ANK2: variants seen among roughly 807,000 people sequenced by gnomAD.
ANK2 encodes ankyrin-2.
Under a neutral mutation model 360.5 loss-of-function variants are expected in ANK2, and 83 were observed. That is an observed-to-expected ratio of 0.23 (90% CI 0.19 to 0.28). ANK2 has a LOEUF of 0.28. Among genes scored for constraint, ANK2 ranks in the 10% least tolerant of loss-of-function variants. The pLI, the probability that ANK2 is intolerant of heterozygous loss-of-function variation, is 1.00. For missense variants in ANK2, 4,201 were observed against 4,795.7 expected, an observed-to-expected ratio of 0.88 and a Z score of 3.66; for synonymous variants, 1,740 against 1,759.5, an observed-to-expected ratio of 0.99 and a Z score of 0.28.
intron 1 of ANK2, among the ~76,000 whole-genome samples, chr4:112,856,430 T>C (rs1446866749): frequency 1.3e-5 from 2 of 152,224 alleles, no homozygotes; most frequent in African/African-American, 4.8e-5. Context: ...AAATAATTTT[T>C]TAAAAGTGTA....
rs751989112 is a variant in ANK2 at position 113,357,254 on chromosome 4, C to A, written c.8636C>A (p.Thr2879Asn). ...SSIQKTEVTK[T>N]DETFENLPKD... The stretch of plus-strand genomic sequence containing the variant: ...ATTCAAAAAACAGAGGTCACAAAAA[C>A]TGATGAAACATTTGAGAACTTACCA... Residue 2879 changes from threonine (T) to asparagine (N), a missense_variant, in exon 38 of 46, where the codon ACT (threonine) becomes AAT (asparagine). By Grantham distance (65) the Thr-to-Asn change is moderately conservative (BLOSUM62 0). Transcript: ENST00000357077. The A allele has an allele frequency of 6.2e-7, 1 of 1,614,060 alleles. No individual in the cohort carries two copies. Among genetic ancestry groups the A allele is most frequent in the Non-Finnish European group, 8.5e-7 (1 of 1,179,994 alleles).
rs543959905 is a variant in ANK2, at chr4:113,278,240, C to A, written c.1783-220C>A. On this transcript the variant is annotated intron_variant, in intron 16 of 45. Coordinates refer to ENST00000357077, the MANE Select transcript of ANK2 (RefSeq NM_001148.6). ...CAGTTTAGACCTTTTTACATTGTGA[C>A]CCTCAAGATCCCCTTTGCTGGTGGT... Among the ~76,000 whole-genome samples, 3 of 152,124 alleles carry A rather than the reference C, an allele frequency of 2.0e-5. No individual in the cohort carries two copies. In the South Asian group the frequency reaches 6.2e-4, roughly 32 times the overall value.
chr4:113,234,214 A>G, intron 5 of ANK2, among the ~76,000 whole-genome samples: 1 of 152,068 alleles, frequency 6.6e-6, no homozygotes, highest in Non-Finnish European at 1.5e-5. Context: ...AGCATTTCCC[A>G]TTTGGTTCCA....
intron 2 of ANK2, among the ~76,000 whole-genome samples, chr4:112,951,271 G>T (rs979557112): frequency 1.3e-5 from 2 of 152,008 alleles, no homozygotes; most frequent in Non-Finnish European, 2.9e-5. Flanking sequence ...TTGATATTTT[G>T]TAAAACATTC....
intron 4 of ANK2, among the ~76,000 whole-genome samples, chr4:113,212,242 A>G (rs1029979459): frequency 4.6e-5 from 7 of 152,156 alleles, no homozygotes; most frequent in Admixed American, 2.0e-4. Flanking sequence ...ATTTTTTTCA[A>G]AGTTTTCATA....
At chr4:112,868,038 A>G (rs2071376384) in intron 1 of ANK2, among the ~76,000 whole-genome samples, 1 of 152,152 alleles carries the variant, frequency 6.6e-6, no homozygotes, top group Admixed American at 6.5e-5. Flanking sequence ...TGAGGGCTCT[A>G]ATTTCTCCAT....
intron 45 of ANK2, 96 bp from the exon 46 acceptor site, chr4:113,381,361 G>A (rs1219328920): frequency 1.5e-6 from 2 of 1,315,464 alleles, no homozygotes; most frequent in South Asian, 1.2e-5. Flanking sequence ...CTAAAGGTAA[G>A]ACATTAGGTA....
chr4:113,219,283 A>C (rs192032541), intron 4 of ANK2, among the ~76,000 whole-genome samples: 3 of 152,218 alleles, frequency 2.0e-5, no homozygotes, highest in Non-Finnish European at 4.4e-5. Flanking sequence ...TTAACTTTAC[A>C]CTAAAATTTC....
chr4:113,360,474 T>C (rs2154034243), intron 38 of ANK2, among the ~76,000 whole-genome samples: 1 of 152,180 alleles, frequency 6.6e-6, no homozygotes, highest in East Asian at 1.9e-4. Context: ...GCATCCCATT[T>C]ATGATTTCTC....
chr4:113,154,943 A>G (rs1356404273), intron 1 of ANK2, among the ~76,000 whole-genome samples: 1 of 152,232 alleles, frequency 6.6e-6, no homozygotes, highest in Admixed American at 6.5e-5. Context: ...GGTCTTAACC[A>G]CTTCATCTGG....
Position 112,822,238 on chromosome 4 carries a change from T to TAA in ANK2, c.-40+3997_-40+3998dup, listed in dbSNP as rs1211981767. 3.9e-3 allele frequency among the ~76,000 whole-genome samples: 347 copies of TAA among 88,496 alleles called. 5 individuals are homozygous for TAA. Among genetic ancestry groups the TAA allele is most frequent in the Middle Eastern group, 0.021 (3 of 142 alleles). The allele number at this position is 88,496 out of a possible 152,430, so 58.1% of individuals were successfully genotyped here. A position where few individuals can be genotyped will look rare whatever the true frequency, so the allele number is the denominator to read the frequency against. ...TAACACCGTGAAACCCTGTCTCTAC[T>TAA]AAAAAAAAAAAAAAAAAAAAAAAAC... On this transcript the variant is annotated intron_variant, in intron 1 of 30. Transcript: ENST00000503271.
intron 2 of ANK2, among the ~76,000 whole-genome samples, chr4:112,975,684 T>C (rs532874150): frequency 2.0e-5 from 3 of 152,218 alleles, no homozygotes; most frequent in Non-Finnish European, 4.4e-5. Context: ...ATCTCCTTCT[T>C]GCAGTCCTCC....
In ANK2 at chr4:113,101,911, T is replaced by C. The variant is rs138490904; in HGVS notation, c.84+52099T>C. Among the ~76,000 whole-genome samples, 481 of 152,146 alleles carry C rather than the reference T, an allele frequency of 3.2e-3. 3 individuals carry two copies. The highest frequency in any genetic ancestry group is 0.011 in the African/African-American group (448 of 41,542). On this transcript the variant is annotated intron_variant, in intron 1 of 45. Transcript: ENST00000357077. Reference sequence around the variant, plus strand: ...CAGAGGGAAGTACACATGCAAGCCCTGAAGTGGGAAAGACCTTGATGCACA... The same window carrying C: ...CAGAGGGAAGTACACATGCAAGCCCCGAAGTGGGAAAGACCTTGATGCACA...
intron 7 of ANK2, 133 bp downstream of exon 7, chr4:113,237,755 C>G: frequency 1.2e-6 from 1 of 835,778 alleles, no homozygotes; most frequent in South Asian, 1.5e-5. Flanking sequence ...AAAACCTTCC[C>G]CATAATGAAG....
the ANK2 span, among the ~76,000 whole-genome samples, chr4:112,764,538 G>A: frequency 6.6e-6 from 1 of 151,320 alleles, no homozygotes; most frequent in African/African-American, 2.4e-5. Flanking sequence ...GTTTCACCAT[G>A]TTGACCAGGC....
intron 35 of ANK2, among the ~76,000 whole-genome samples, chr4:113,346,731 G>T (rs1001436459): frequency 6.6e-6 from 1 of 152,080 alleles, no homozygotes; most frequent in Non-Finnish European, 1.5e-5. Flanking sequence ...AAAACATATC[G>T]CCATGTTTTG....
At position 113,185,128 on chromosome 4, in the gene ANK2, C is replaced by T. The variant is rs143944166; in HGVS notation, c.186+10611C>T. On this transcript the variant is annotated intron_variant, in intron 2 of 45. Coordinates refer to ENST00000357077, the MANE Select transcript of ANK2 (RefSeq NM_001148.6). ...CATTGATAGGCATTTGGGTTGGTTC[C>T]AAGTCTTTGCTATTGTGAATAGTGC... 1.1e-3 allele frequency among the ~76,000 whole-genome samples: 172 copies of T among 152,210 alleles called. 3 individuals are homozygous for T. The East Asian group carries it at 0.03, about 27-fold the overall frequency.
At chr4:113,350,487 C>T in intron 37 of ANK2, 1 of 429,544 alleles carries the variant, frequency 2.3e-6, no homozygotes, top group East Asian at 3.8e-5. Context: ...CATTCACTTT[C>T]TTTTGACATT....
chr4:113,133,340 T>C (rs1488475664), intron 1 of ANK2, among the ~76,000 whole-genome samples: 1 of 152,206 alleles, frequency 6.6e-6, no homozygotes, highest in Non-Finnish European at 1.5e-5. Flanking sequence ...GTAGACTCTA[T>C]ACTCGACTTT....
Sources: gnomAD v4.1 joint callset for allele counts (sites outside exome capture counted in the v4.1 genomes callset) on GRCh38, gnomAD v4.1.1 for gene constraint, MANE v1.5 for transcripts, NCBI Gene and HGNC (gene_info 2026-07-23, HGNC 2026-07-21) for gene names.